Variants in DGKB observed in about 807,000 individuals in gnomAD.
The protein encoded by DGKB is diacylglycerol kinase beta.
Under a neutral mutation model 114.3 loss-of-function variants are expected in DGKB, and 67 were observed. The ratio of observed to expected loss-of-function variants is 0.59; its 90% confidence interval spans 0.48 to 0.72. The LOEUF is 0.72. Ranked by LOEUF, DGKB falls within the 30% of genes least tolerant of loss-of-function variation. The probability of loss-of-function intolerance (pLI) is 0.00; values close to 1 mark genes in which losing one functional copy is unlikely to be tolerated. For missense variants in DGKB, 907 were observed against 975.2 expected (o/e 0.93, Z 0.93); for synonymous variants, 398 against 323.1 (o/e 1.23, Z -2.49).
At chr7:14,241,935 T>C (rs1258647383) in intron 23 of DGKB, among the ~76,000 whole-genome samples, 1 of 117,682 alleles carries the variant, frequency 8.5e-6, no homozygotes. Flanking sequence ...CACACACATA[T>C]AGATATATAC....
intron 2 of DGKB, among the ~76,000 whole-genome samples, chr7:14,800,615 A>G (rs147211174): frequency 1.8e-3 from 275 of 152,230 alleles, no homozygotes; most frequent in African/African-American, 6.5e-3. Flanking sequence ...TGTATAAGTT[A>G]ATACTTAGTA....
At chr7:14,372,919 A>G (rs1817900513) in intron 21 of DGKB, among the ~76,000 whole-genome samples, 1 of 152,092 alleles carries the variant, frequency 6.6e-6, no homozygotes, top group Non-Finnish European at 1.5e-5. Flanking sequence ...TCTGACAAAT[A>G]TTTCCATTTT....
At chr7:14,460,180 A>G (rs1832866453) in intron 21 of DGKB, among the ~76,000 whole-genome samples, 1 of 152,184 alleles carries the variant, frequency 6.6e-6, no homozygotes, top group East Asian at 1.9e-4. Flanking sequence ...CTATGAAGAA[A>G]CTGCATCAAC....
chr7:14,956,267 T>C (rs1291788391), intron 1 of DGKB, among the ~76,000 whole-genome samples: 2 of 151,966 alleles, frequency 1.3e-5, no homozygotes, highest in East Asian at 1.9e-4. Context: ...ATTTGAATAG[T>C]AGAATCCTCC....
chr7:14,353,808 G>A (rs780242398), intron 21 of DGKB, among the ~76,000 whole-genome samples: 10 of 152,152 alleles, frequency 6.6e-5, no homozygotes, highest in Admixed American at 3.3e-4. Flanking sequence ...GAGAATTTCT[G>A]TTCACCATAA....
chr7:14,939,469 G>A (rs1256147077), intron 1 of DGKB, among the ~76,000 whole-genome samples: 2 of 152,054 alleles, frequency 1.3e-5, no homozygotes, highest in African/African-American at 4.8e-5. Flanking sequence ...TCTTGACCTG[G>A]CATTCTAACT....
At position 14,590,387 on chromosome 7, in the gene DGKB, T is replaced by A. The variant is rs117589925; in HGVS notation, c.1434-7250A>T. On this transcript the variant is annotated intron_variant, in intron 17 of 25. Coordinates refer to ENST00000402815, the MANE Select transcript of DGKB (RefSeq NM_001350709.2). ...CTGCAACATTTCCCACCGAGCTAAC[T>A]GTTTCTGGTGAAAGCCTAACCATCC... Among the ~76,000 whole-genome samples the A allele has an allele frequency of 2.9e-3, 442 of 152,250 alleles. 13 individuals carry two copies. The highest frequency in any genetic ancestry group is 0.025 in the Admixed American group (376 of 15,280).
intron 25 of DGKB, among the ~76,000 whole-genome samples, chr7:14,166,916 G>T (rs907060503): frequency 6.6e-6 from 1 of 151,962 alleles, no homozygotes; most frequent in African/African-American, 2.4e-5. Flanking sequence ...AAAAATATTC[G>T]TTAATCAGGC....
At chr7:14,313,977 G>A (rs1414172016) in intron 23 of DGKB, among the ~76,000 whole-genome samples, 3 of 152,150 alleles carry the variant, frequency 2.0e-5, no homozygotes, top group Non-Finnish European at 4.4e-5. Context: ...CCTCACCCCT[G>A]ACCCCCGAGC....
chr7:14,342,487 C>G (rs1157609195), intron 22 of DGKB, among the ~76,000 whole-genome samples: 2 of 151,672 alleles, frequency 1.3e-5, no homozygotes, highest in South Asian at 2.1e-4. Context: ...TTATTTTTAT[C>G]TTTTGTAATA....
chr7:14,725,525 T>C (rs35931732), intron 5 of DGKB, among the ~76,000 whole-genome samples: 6,955 of 152,126 alleles, frequency 0.046, 531 homozygotes, highest in African/African-American at 0.16. Flanking sequence ...GTTCAGAATG[T>C]ATAATATCTT....
At chr7:14,529,586 G>A (rs1398864145) in intron 20 of DGKB, among the ~76,000 whole-genome samples, 1 of 151,686 alleles carries the variant, frequency 6.6e-6, no homozygotes, top group South Asian at 2.1e-4. Flanking sequence ...CATGAAAAAT[G>A]TATTGGAGCA....
Position 14,478,144 on chromosome 7 carries a change from C to T in DGKB, c.1835+17G>A, listed in dbSNP as rs1782469256. ...TCAGCAACTATATCTATAATTTCATCTCTTTTGTCACCTTACCTACTGTTG... is the reference window on the plus strand; with the variant it reads ...TCAGCAACTATATCTATAATTTCATTTCTTTTGTCACCTTACCTACTGTTG... On this transcript the variant is annotated intron_variant, in intron 21 of 25. Transcript: ENST00000402815. 1.3e-6 allele frequency: 2 copies of T among 1,559,684 alleles called. No homozygotes were observed. The highest frequency in any genetic ancestry group is 2.3e-5 in the South Asian group (2 of 86,318).
At chr7:14,239,216 A>G (rs1793277947) in intron 23 of DGKB, among the ~76,000 whole-genome samples, 1 of 152,112 alleles carries the variant, frequency 6.6e-6, no homozygotes, top group South Asian at 2.1e-4. Flanking sequence ...AATAAAACCA[A>G]GAAAAGGGTA....
At chr7:14,294,225 G>T (rs1802189852) in intron 23 of DGKB, among the ~76,000 whole-genome samples, 1 of 151,944 alleles carries the variant, frequency 6.6e-6, no homozygotes, top group Non-Finnish European at 1.5e-5. Context: ...ATTATATTGG[G>T]CCCACCCAGA....
intron 25 of DGKB, among the ~76,000 whole-genome samples, chr7:14,155,413 G>C (rs1282075297): frequency 1.3e-5 from 2 of 152,040 alleles, no homozygotes; most frequent in African/African-American, 4.8e-5. Flanking sequence ...TATGCTTTGA[G>C]CTAGGGATAT....
intron 2 of DGKB, among the ~76,000 whole-genome samples, chr7:14,828,886 C>G (rs750297595): frequency 2.0e-5 from 3 of 152,226 alleles, no homozygotes; most frequent in Non-Finnish European, 2.9e-5. Flanking sequence ...TCTGGGCAAA[C>G]TGTGCTGAAG....
intron 17 of DGKB, among the ~76,000 whole-genome samples, chr7:14,605,115 G>A (rs540701174): frequency 7.2e-5 from 11 of 151,962 alleles, no homozygotes; most frequent in South Asian, 4.2e-4. Flanking sequence ...AGATATTGAC[G>A]TAGCATATTT....
chr7:14,329,903 G>C (rs1194432340), intron 23 of DGKB, among the ~76,000 whole-genome samples: 1 of 151,914 alleles, frequency 6.6e-6, no homozygotes, highest in Non-Finnish European at 1.5e-5. Flanking sequence ...ACGTTAAATT[G>C]ACTTAAAGTT....
Sources: allele counts gnomAD v4.1 joint callset (sites outside exome capture counted in the v4.1 genomes callset), GRCh38; gene constraint gnomAD v4.1.1; transcripts MANE v1.5; gene names NCBI Gene and HGNC (gene_info 2026-07-23, HGNC 2026-07-21).